The following NLGN1 variants were observed in gnomAD, a reference collection of about 807,000 sequenced individuals.
The protein encoded by NLGN1 is neuroligin-1.
Under a neutral mutation model 65.5 loss-of-function variants are expected in NLGN1, and 12 were observed. The ratio of observed to expected loss-of-function variants is 0.18; its 90% CI spans 0.12 to 0.30. The LOEUF is 0.30. Ranked by LOEUF, NLGN1 falls within the 10% of genes least tolerant of loss-of-function variation. The pLI is 1.00. For missense variants in NLGN1, 750 were observed against 1,007.1 expected (o/e 0.74, Z 3.46); for synonymous variants, 350 against 359.5 (o/e 0.97, Z 0.30).
chr3:173,880,052 C>G (rs1732918349), intron 4 of NLGN1, among the ~76,000 whole-genome samples: 1 of 152,036 alleles, frequency 6.6e-6, no homozygotes, highest in Non-Finnish European at 1.5e-5. Flanking sequence ...TCTTTCTCAT[C>G]TTAAAAATAT....
At chr3:173,628,054 ACTGC>A (rs1304189900) in intron 3 of NLGN1, among the ~76,000 whole-genome samples, 2 of 152,052 alleles carry the variant, frequency 1.3e-5, no homozygotes, top group African/African-American at 4.8e-5. Flanking sequence ...TTCTTCTGTC[ACTGC>A]ATAGCTGGGA....
intron 3 of NLGN1, among the ~76,000 whole-genome samples, chr3:173,635,459 G>GT (rs757862748): frequency 1.3e-5 from 2 of 152,034 alleles, no homozygotes; most frequent in Non-Finnish European, 2.9e-5. Context: ...CATCTACTCT[G>GT]TTTTGTATTG....
intron 2 of NLGN1, among the ~76,000 whole-genome samples, chr3:173,599,431 C>G (rs2149429108): frequency 6.6e-6 from 1 of 152,244 alleles, no homozygotes; most frequent in Non-Finnish European, 1.5e-5. Context: ...TTAACCACCA[C>G]TAGTGTATAT....
chr3:173,730,750 T>G (rs545642875), intron 3 of NLGN1, among the ~76,000 whole-genome samples: 2 of 152,252 alleles, frequency 1.3e-5, no homozygotes, highest in South Asian at 4.1e-4. Context: ...TTCTCAACTA[T>G]TCCAATATAA....
At chr3:173,531,312 A>C (rs1343529592) in intron 2 of NLGN1, among the ~76,000 whole-genome samples, 1 of 152,114 alleles carries the variant, frequency 6.6e-6, no homozygotes, top group Non-Finnish European at 1.5e-5. Flanking sequence ...AATGTAGAAA[A>C]ATAGTGTATA....
intron 2 of NLGN1, among the ~76,000 whole-genome samples, chr3:173,506,191 A>G (rs1292626889): frequency 6.6e-6 from 1 of 152,012 alleles, no homozygotes; most frequent in East Asian, 1.9e-4. Context: ...TTGAAAACAT[A>G]CTTACGAGAG....
chr3:174,215,518 C>T lies in NLGN1; in HGVS notation c.647-59797C>T, dbSNP rs578008696. Reference sequence around the variant, plus strand: ...CTATTTGCATATTAGTAGCATAAATCTTAACTAATCCAGCAGGAGGGAAAG... The same window carrying T: ...CTATTTGCATATTAGTAGCATAAATTTTAACTAATCCAGCAGGAGGGAAAG... On this transcript the variant is annotated intron_variant, in intron 4 of 6. Transcript: ENST00000457714. Among the ~76,000 whole-genome samples the T allele has an allele frequency of 2.0e-4, 30 of 152,270 alleles. No individual in the cohort carries two copies. In the East Asian group the frequency reaches 5.8e-3, roughly 29 times the overall value.
At chr3:174,066,558 C>CTGTGTGTGTGTG (rs1327610699) in intron 4 of NLGN1, among the ~76,000 whole-genome samples, 83 of 134,210 alleles carry the variant, frequency 6.2e-4, no homozygotes, top group African/African-American at 2.4e-3. Flanking sequence ...CTCTCTCTCT[C>CTGTGTGTGTGTG]TCTCTCTGTG....
intron 2 of NLGN1, 30 bp from the exon 2 acceptor site, chr3:173,604,249 C>T (rs1318493253): frequency 8.4e-6 from 2 of 238,880 alleles, no homozygotes; most frequent in African/African-American, 2.3e-5. Flanking sequence ...TAGCTTGTTC[C>T]AGCTCATGAT....
intron 4 of NLGN1, among the ~76,000 whole-genome samples, chr3:174,212,321 C>T (rs1422994740): frequency 6.6e-6 from 1 of 152,236 alleles, no homozygotes; most frequent in Non-Finnish European, 1.5e-5. Flanking sequence ...CCGCAAGCGC[C>T]GTGCGCAGCC....
chr3:173,512,991 C>G (rs888463219), intron 2 of NLGN1, among the ~76,000 whole-genome samples: 1 of 152,180 alleles, frequency 6.6e-6, no homozygotes, highest in Admixed American at 6.6e-5. Context: ...GACCCCCTAT[C>G]CCTGGACTGT....
chr3:173,455,799 G>A (rs974889152), intron 2 of NLGN1, among the ~76,000 whole-genome samples: 1 of 151,904 alleles, frequency 6.6e-6, no homozygotes, highest in Non-Finnish European at 1.5e-5. Flanking sequence ...TTACGTTATT[G>A]GCTTACACTG....
At chr3:173,547,737 T>A (rs932126732) in intron 2 of NLGN1, among the ~76,000 whole-genome samples, 5 of 152,128 alleles carry the variant, frequency 3.3e-5, no homozygotes, top group Non-Finnish European at 7.4e-5. Flanking sequence ...GATTAGTGGT[T>A]TGAATTCTTC....
chr3:174,130,410 C>T (rs146464226), intron 4 of NLGN1, among the ~76,000 whole-genome samples: 5 of 152,064 alleles, frequency 3.3e-5, no homozygotes, highest in Non-Finnish European at 4.4e-5. Flanking sequence ...TATAGTAGAT[C>T]GCCCTCACCC....
chr3:173,605,627 A>C, intron 3 of NLGN1, 34 bp downstream of exon 3: 1 of 1,088,084 alleles, frequency 9.2e-7, no homozygotes, highest in Admixed American at 2.3e-5. Context: ...AAATGGGGGA[A>C]AAAGCTTGCA....
intron 3 of NLGN1, among the ~76,000 whole-genome samples, chr3:173,759,085 CCTT>C (rs1479405838): frequency 6.6e-6 from 1 of 151,884 alleles, no homozygotes; most frequent in East Asian, 1.9e-4. Flanking sequence ...TTTCTCACCA[CCTT>C]CTTTCTCACA....
intron 3 of NLGN1, among the ~76,000 whole-genome samples, chr3:173,707,440 A>G (rs1464138467): frequency 6.6e-6 from 1 of 152,184 alleles, no homozygotes; most frequent in Non-Finnish European, 1.5e-5. Context: ...GCAAGTAGTA[A>G]TGAAGAATAA....
intron 2 of NLGN1, among the ~76,000 whole-genome samples, chr3:173,450,588 C>G (rs1199061594): frequency 1.3e-5 from 2 of 152,028 alleles, no homozygotes; most frequent in Non-Finnish European, 2.9e-5. Flanking sequence ...CTCTGTATTT[C>G]CTGAATGTGA....
intron 4 of NLGN1, among the ~76,000 whole-genome samples, chr3:174,015,417 C>T (rs1726355655): frequency 6.6e-6 from 1 of 152,100 alleles, no homozygotes; most frequent in Non-Finnish European, 1.5e-5. Context: ...CCCCTCATGA[C>T]AGAGAGTTAG....
Sources: gnomAD v4.1 joint callset for allele counts (sites outside exome capture counted in the v4.1 genomes callset) on GRCh38, gnomAD v4.1.1 for gene constraint, MANE v1.5 for transcripts, NCBI Gene and HGNC (gene_info 2026-07-23, HGNC 2026-07-21) for gene names.